Variants in XRCC6 observed in about 807,000 individuals in gnomAD.
The protein encoded by XRCC6 is X-ray repair cross complementing 6.
XRCC6 carries 5 observed loss-of-function variants against 65.7 expected under a neutral mutation model. The observed-to-expected ratio is 0.08, with a 90% CI of 0.04 to 0.16. The LOEUF (loss-of-function observed/expected upper bound fraction) is 0.16. Among genes scored for constraint, XRCC6 ranks in the 10% least tolerant of loss-of-function variants. The pLI, the probability that XRCC6 is intolerant of heterozygous loss-of-function variation, is 1.00. For missense variants in XRCC6, 447 were observed against 738.1 expected (o/e 0.61, Z 4.57); for synonymous variants, 270 against 270.6 (o/e 1.00, Z 0.02).
intron 6 of XRCC6, among the ~76,000 whole-genome samples, chr22:41,646,680 T>C (rs1399505564): frequency 1.3e-5 from 2 of 152,220 alleles, no homozygotes; most frequent in African/African-American, 2.4e-5. Flanking sequence ...TGTAGTACGT[T>C]CTTTATCATT....
At chr22:41,652,004 G>T (rs921640057) in intron 8 of XRCC6, among the ~76,000 whole-genome samples, 1 of 151,972 alleles carries the variant, frequency 6.6e-6, no homozygotes. Context: ...GGCTTGTCTC[G>T]AACTCCTGAC....
At chr22:41,628,258 A>G (rs2067700401) in intron 3 of XRCC6, 28 bp downstream of exon 3, 2 of 1,582,786 alleles carry the variant, frequency 1.3e-6, no homozygotes, top group South Asian at 2.2e-5. Flanking sequence ...TTTAAGACAA[A>G]TTTAAAAACA....
At chr22:41,659,531 G>T (rs944397798) in intron 11 of XRCC6, among the ~76,000 whole-genome samples, 1 of 151,710 alleles carries the variant, frequency 6.6e-6, no homozygotes, top group Non-Finnish European at 1.5e-5. Context: ...TTAGTGATTG[G>T]GTTTCACCAT....
At position 41,646,962 on chromosome 22, in the gene XRCC6, T is replaced by G. The variant is rs996166430; in HGVS notation, c.840T>G (p.Ala280=). 7 of 1,614,160 alleles carry G rather than the reference T, an allele frequency of 4.3e-6. No individual in the cohort carries two copies. The highest frequency in any genetic ancestry group is 5.9e-6 in the Non-Finnish European group (7 of 1,180,024). ...SVGIYNLVQK[A]LKPPPIKLYR... is the part of the protein sequence containing the mutation. Reference sequence around the variant, plus strand: ...GCATTTATAATCTGGTCCAGAAGGCTCTCAAGCCTCCTCCAATAAAGCTCT... The same window carrying G: ...GCATTTATAATCTGGTCCAGAAGGCGCTCAAGCCTCCTCCAATAAAGCTCT... Residue 280 remains alanine, a synonymous_variant, in exon 7 of 13, where the codon GCT becomes GCG. Transcript: ENST00000360079.
intron 3 of XRCC6, among the ~76,000 whole-genome samples, chr22:41,634,335 C>T (rs1272350449): frequency 6.6e-6 from 1 of 151,820 alleles, no homozygotes; most frequent in Non-Finnish European, 1.5e-5. Flanking sequence ...GTGGGGACTA[C>T]AAGCATGTGC....
rs1569098788 is a variant in XRCC6, at chr22:41,659,145, G to GAT, written c.1522+793_1522+794insAT. ...AGACGGGATTTCGCCATGATGGCCCGGCTGGTCTCAGAATGATCTATTTTA... is the reference window on the plus strand; with the variant it reads ...AGACGGGATTTCGCCATGATGGCCCGATGCTGGTCTCAGAATGATCTATTTTA... On this transcript the variant is annotated intron_variant, in intron 11 of 12. Transcript: ENST00000360079. Among the ~76,000 whole-genome samples the GAT allele has an allele frequency of 4.2e-4, 64 of 152,182 alleles. 2 individuals carry two copies. The South Asian group carries it at 0.012, about 30-fold the overall frequency.
chr22:41,645,330 C>A lies in XRCC6; in HGVS notation c.774-1566C>A, dbSNP rs1051011208. Among the ~76,000 whole-genome samples, 8 of 149,976 alleles carry A rather than the reference C, an allele frequency of 5.3e-5. No homozygotes were observed. The South Asian group carries it at 1.1e-3, about 20-fold the overall frequency. On this transcript the variant is annotated intron_variant, in intron 6 of 12. Coordinates refer to ENST00000360079, the MANE Select transcript of XRCC6 (RefSeq NM_001469.5). ...AAAAAAAACAAAAAACAAAAAAAAACAAACAAAAAAGGCTGACCTTGACTA... is the reference window on the plus strand; with the variant it reads ...AAAAAAAACAAAAAACAAAAAAAAAAAAACAAAAAAGGCTGACCTTGACTA...
intron 3 of XRCC6, among the ~76,000 whole-genome samples, chr22:41,631,423 C>T (rs928056349): frequency 7.3e-5 from 11 of 150,250 alleles, no homozygotes; most frequent in Non-Finnish European, 1.2e-4. Flanking sequence ...GGGCGGTTGC[C>T]GGGTGGAGGG....
intron 3 of XRCC6, among the ~76,000 whole-genome samples, chr22:41,631,272 C>T (rs1429048291): frequency 1.3e-5 from 2 of 151,326 alleles, no homozygotes; most frequent in East Asian, 3.9e-4. Flanking sequence ...TGGGGCTGAC[C>T]CCCCACCTCC....
At position 41,656,018 on chromosome 22, in the gene XRCC6, C is replaced by T. The variant is rs12160592; in HGVS notation, c.1292-885C>T. On this transcript the variant is annotated intron_variant, in intron 9 of 12. Coordinates refer to ENST00000360079, the MANE Select transcript of XRCC6 (RefSeq NM_001469.5). ...CTGTGGCAGGTGGATCGCCTGAGCC[C>T]AGGAGTTTTGAGACCAGCCTGAGCA... Among the ~76,000 whole-genome samples the T allele has an allele frequency of 1.1e-3, 168 of 151,334 alleles. 2 individuals are homozygous for T. The highest frequency in any genetic ancestry group is 4.0e-3 in the African/African-American group (166 of 41,262).
chr22:41,629,084 GCTA>G (rs1292850163), intron 3 of XRCC6, among the ~76,000 whole-genome samples: 1 of 151,180 alleles, frequency 6.6e-6, no homozygotes, highest in Non-Finnish European at 1.5e-5. Context: ...ACCATAATGA[GCTA>G]CCACTCACAC....
intron 6 of XRCC6, among the ~76,000 whole-genome samples, chr22:41,639,191 A>G (rs1380534200): frequency 6.6e-6 from 1 of 152,154 alleles, no homozygotes; most frequent in African/African-American, 2.4e-5. Context: ...TACTGTGAAG[A>G]GTTAGTGAAG....
chr22:41,626,219 T>G (rs1267439162), intron 2 of XRCC6, among the ~76,000 whole-genome samples: 1 of 151,982 alleles, frequency 6.6e-6, no homozygotes, highest in Non-Finnish European at 1.5e-5. Context: ...CTTGGCTCAC[T>G]GCAGCCTCTG....
At chr22:41,640,023 A>G (rs1045819312) in intron 6 of XRCC6, among the ~76,000 whole-genome samples, 1 of 151,664 alleles carries the variant, frequency 6.6e-6, no homozygotes, top group Non-Finnish European at 1.5e-5. Context: ...GTTTCTTCCT[A>G]AAGACCTACA....
At chr22:41,658,834 G>C (rs2068071594) in intron 11 of XRCC6, among the ~76,000 whole-genome samples, 1 of 152,186 alleles carries the variant, frequency 6.6e-6, no homozygotes, top group African/African-American at 2.4e-5. Context: ...GGGAGGCTGA[G>C]GCAGGAAGAT....
chr22:41,646,259 C>T (rs572065515), intron 6 of XRCC6, among the ~76,000 whole-genome samples: 23 of 151,652 alleles, frequency 1.5e-4, no homozygotes, highest in African/African-American at 5.6e-4. Flanking sequence ...GCCGAGATCA[C>T]GCGACTGCAC....
At chr22:41,632,120 AAGAGAG>A (rs1569082872) in intron 3 of XRCC6, among the ~76,000 whole-genome samples, 76 of 150,612 alleles carry the variant, frequency 5.0e-4, no homozygotes, top group East Asian at 2.7e-3. Context: ...AGACCGTGGA[AAGAGAG>A]GGAGAGGGAG....
At position 41,649,160 on chromosome 22, in the gene XRCC6, A is replaced by ATATATATATATATATATATGTATG. The variant is rs1376197191; in HGVS notation, c.961-1560_961-1559insATATATATATATATATGTATGTAT. Among the ~76,000 whole-genome samples, 205 of 125,616 alleles carry ATATATATATATATATATATGTATG rather than the reference A, an allele frequency of 1.6e-3. 2 individuals carry two copies. Among genetic ancestry groups the ATATATATATATATATATATGTATG allele is most frequent in the African/African-American group, 7.2e-3 (195 of 27,260 alleles). 82.4% of individuals were successfully genotyped at this position (125,616 alleles called of 152,430 possible). ...AAAAAATATATATATATATATATAT[A>ATATATATATATATATATATGTATG]TATGTATGTATGTGTGTGTGTATAT... On this transcript the variant is annotated intron_variant, in intron 7 of 12. Coordinates refer to ENST00000360079, the MANE Select transcript of XRCC6 (RefSeq NM_001469.5).
intron 6 of XRCC6, 134 bp downstream of exon 6, chr22:41,637,925 A>T: frequency 1.2e-6 from 1 of 864,340 alleles, no homozygotes. Context: ...AGGAGTTGAG[A>T]CCAGCTTGGG....
Sources: allele counts gnomAD v4.1 joint callset (sites outside exome capture counted in the v4.1 genomes callset), GRCh38; gene constraint gnomAD v4.1.1; transcripts MANE v1.5; gene names NCBI Gene and HGNC (gene_info 2026-07-23, HGNC 2026-07-21).